Variants in ZNF335 observed in about 807,000 individuals in gnomAD.
ZNF335 encodes zinc finger protein 335.
ZNF335 carries 84 observed loss-of-function variants against 145.6 expected under a neutral mutation model. The observed-to-expected ratio is 0.58, with a 90% CI of 0.48 to 0.69. ZNF335 has a LOEUF of 0.69. Among genes scored for constraint, ZNF335 ranks in the 30% least tolerant of loss-of-function variants. ZNF335 has a pLI of 0.00. For synonymous variants in ZNF335, 761 were observed against 717.0 expected (o/e 1.06, Z -0.98); for missense variants, 1,865 against 1,809.7 (o/e 1.03, Z -0.55).
chr20:45,957,988 G>C, intron 15 of ZNF335, 60 bp from the exon 16 acceptor site: 1 of 1,353,984 alleles, frequency 7.4e-7, no homozygotes. Flanking sequence ...AGTGCCATTT[G>C]CCAAGCACCT....
intron 10 of ZNF335, 118 bp downstream of exon 10, chr20:45,961,952 C>CA: frequency 1.2e-6 from 1 of 815,138 alleles, no homozygotes; most frequent in Non-Finnish European, 2.0e-6. Context: ...TAGTGTGCAG[C>CA]AAATGGGGCT....
intron 16 of ZNF335, 56 bp from the exon 17 acceptor site, chr20:45,957,736 C>T (rs1415871879): frequency 5.6e-6 from 9 of 1,605,978 alleles, no homozygotes; most frequent in Non-Finnish European, 7.7e-6. Context: ...CACCCAATAC[C>T]ACCCCCTCCC....
chr20:45,963,676 G>A (rs1600540921), intron 8 of ZNF335, 26 bp from the exon 9 acceptor site: 1 of 1,613,942 alleles, frequency 6.2e-7, no homozygotes, highest in Middle Eastern at 1.7e-4. Context: ...GTGGCGGAAA[G>A]GTCTGGTGGG....
At position 45,963,741 on chromosome 20, in the gene ZNF335, C is replaced by A; in HGVS notation, c.1352G>T (p.Arg451Leu). 2.5e-6 allele frequency: 4 copies of A among 1,614,082 alleles called. No homozygotes were observed. The highest frequency in any genetic ancestry group is 2.5e-6 in the Non-Finnish European group (3 of 1,179,980). ...PSRRFLGKKY[R>L]KYYYKSPKPL... ...CCCTCACCTCTGCTCCACATACTTG[C>A]GGTATTTCTTGCCTAGGAAGCGCCT... is the stretch of plus-strand genomic sequence containing the variant. Residue 451 changes from arginine to leucine, a missense_variant, in exon 8 of 28, where the codon CGC becomes CTC. Physicochemically the swap from Arg to Leu is moderately radical, Grantham distance 102 (BLOSUM62 -2). Transcript: ENST00000322927.
intron 2 of ZNF335, 106 bp downstream of exon 2, chr20:45,971,104 A>G (rs986935676): frequency 2.1e-6 from 3 of 1,427,510 alleles, no homozygotes; most frequent in Non-Finnish European, 2.7e-6. Flanking sequence ...ACAGTAAACC[A>G]GAAACACCAA....
rs772904245 is a variant in ZNF335, at chr20:45,957,859, C to T, written c.2323G>A (p.Gly775Ser). 20 of 1,613,824 alleles carry T rather than the reference C, an allele frequency of 1.2e-5. No individual in the cohort carries two copies. Among genetic ancestry groups the T allele is most frequent in the South Asian group, 5.5e-5 (5 of 91,080 alleles). Residue 775 changes from glycine (G) to serine (S), a missense_variant, in exon 16 of 28, where the codon GGC (glycine) becomes AGC (serine). Gly to Ser is a moderately conservative substitution (Grantham distance 56). Coordinates refer to ENST00000322927, the MANE Select transcript of ZNF335 (RefSeq NM_022095.4). ...PSLLCSDTLGGATIIYQQGAE... is the reference protein window; with the variant it reads ...PSLLCSDTLGSATIIYQQGAE... ...CCTTGCTGGTAGATGATGGTGGCGC[C>T]GCCCAGGGTGTCAGAACAGAGCAAT...
chr20:45,967,143 T>A (rs1382124549), intron 6 of ZNF335: 1 of 248,838 alleles, frequency 4.0e-6, no homozygotes, highest in East Asian at 8.5e-5. Flanking sequence ...CTCGGGAGGC[T>A]GAGATGGGAA....
rs2083759405 is a variant in ZNF335, at chr20:45,957,933, G to T, written c.2254-5C>A. 1 of 1,613,878 alleles carries T rather than the reference G, an allele frequency of 6.2e-7. No individual in the cohort carries two copies. Among genetic ancestry groups the T allele is most frequent in the Non-Finnish European group, 8.5e-7 (1 of 1,179,874 alleles). ...AGTTGTCGCCTCTGGGGGTATCTAT[G>T]GGGTGGAGATATGGCCACGCCTGAG... On this transcript the variant is annotated splice_region_variant and splice_polypyrimidine_tract_variant and intron_variant, in intron 15 of 27. Coordinates refer to ENST00000322927, the MANE Select transcript of ZNF335 (RefSeq NM_022095.4).
chr20:45,952,624 C>T lies in ZNF335; in HGVS notation c.2788G>A (p.Asp930Asn). ...TCAATGTGGTGCAACTGGGTACCAT[C>T]AGTAGCCATGATGTAGTGGGTGCCA... Reference protein sequence around the residue: ...EAGTHYIMATDGTQLHHIELT... With the variant: ...EAGTHYIMATNGTQLHHIELT... The change falls in exon 19 of 28, where the codon GAT (aspartate) becomes AAT (asparagine). Residue 930 changes from aspartate (D) to asparagine (N), a missense_variant. Physicochemically the swap from Asp to Asn is conservative, Grantham distance 23. Coordinates refer to ENST00000322927, the MANE Select transcript of ZNF335 (RefSeq NM_022095.4). 2 of 1,613,978 alleles carry T rather than the reference C, an allele frequency of 1.2e-6. No homozygotes were observed. The highest frequency in any genetic ancestry group is 8.5e-7 in the Non-Finnish European group (1 of 1,180,018).
At position 45,971,827 on chromosome 20, in the gene ZNF335, G is replaced by A. The variant is rs899546330; in HGVS notation, c.-51+295C>T. ...GGTGGTACAGCCCGCTGGCCCCCTGGGTCAGTGGTTCGCTCCCCCCCGGTT... is the reference window on the plus strand; with the variant it reads ...GGTGGTACAGCCCGCTGGCCCCCTGAGTCAGTGGTTCGCTCCCCCCCGGTT... On this transcript the variant is annotated intron_variant, in intron 1 of 27. Coordinates refer to ENST00000322927, the MANE Select transcript of ZNF335 (RefSeq NM_022095.4). The A allele has an allele frequency of 7.4e-5, 73 of 984,950 alleles. No homozygotes were observed. The African/African-American group carries it at 1.2e-3, about 17-fold the overall frequency. 61.0% of individuals were successfully genotyped at this position (984,950 alleles called of 1,614,324 possible). A position where few individuals can be genotyped will look rare whatever the true frequency, so the allele number is the denominator to read the frequency against.
rs1255989012 is a variant in ZNF335 at position 45,948,776 on chromosome 20, G to C, written c.*177C>G. 2 of 980,394 alleles carry C rather than the reference G, an allele frequency of 2.0e-6. No homozygotes were observed. Among genetic ancestry groups the C allele is most frequent in the Admixed American group, 2.4e-5 (1 of 41,386 alleles). 60.7% of individuals were successfully genotyped at this position (980,394 alleles called of 1,614,324 possible). On this transcript the variant is annotated 3_prime_UTR_variant, in exon 28 of 28. Coordinates refer to ENST00000322927, the MANE Select transcript of ZNF335 (RefSeq NM_022095.4). ...AGGCTGGGGCACCCAGCATGTCCTGGCTGGGGCCCATGGCTGCCCCTAACC... is the reference window on the plus strand; with the variant it reads ...AGGCTGGGGCACCCAGCATGTCCTGCCTGGGGCCCATGGCTGCCCCTAACC...
At position 45,957,830 on chromosome 20, in the gene ZNF335, C is replaced by A. The variant is rs1163309024; in HGVS notation, c.2347+5G>T. ...CATGAGCTCCTATCCTCCTACAGAGCTCACCTTGCTGGTAGATGATGGTGG... is the reference window on the plus strand; with the variant it reads ...CATGAGCTCCTATCCTCCTACAGAGATCACCTTGCTGGTAGATGATGGTGG... On this transcript the variant is annotated splice_donor_5th_base_variant and intron_variant, in intron 16 of 27. Coordinates refer to ENST00000322927, the MANE Select transcript of ZNF335 (RefSeq NM_022095.4). 1 of 1,613,916 alleles carries A rather than the reference C, an allele frequency of 6.2e-7. No homozygotes were observed. Among genetic ancestry groups the A allele is most frequent in the African/African-American group, 1.3e-5 (1 of 75,016 alleles).
Position 45,971,304 on chromosome 20 carries a change from G to T in ZNF335, c.107C>A (p.Ser36Tyr). Residue 36 changes from serine to tyrosine, a missense_variant, in exon 2 of 28, where the codon TCC becomes TAC. Ser to Tyr is a moderately radical substitution (Grantham distance 144). Transcript: ENST00000322927. ...GGCCGCGGCGTCGCTGCTGTCGGCG[G>T]ACACGGCTTCTGAGGTGCCCACACC... ...GLGVGTSEAVSADSSDAAAAP... is the reference protein window; with the variant it reads ...GLGVGTSEAVYADSSDAAAAP... The T allele has an allele frequency of 6.3e-7, 1 of 1,592,716 alleles. No homozygotes were observed.
At chr20:45,969,885 G>T in intron 2 of ZNF335, 194 bp from the exon 3 acceptor site, 1 of 640,694 alleles carries the variant, frequency 1.6e-6, no homozygotes, top group Non-Finnish European at 2.5e-6. Context: ...AAAAGTCACA[G>T]GGTCCCTGGA....
At position 45,950,248 on chromosome 20, in the gene ZNF335, CTGTTCAGGATGATGGT is replaced by C; in HGVS notation, c.3442_3457del (p.Thr1148ValfsTer29). 2 of 1,548,164 alleles carry C rather than the reference CTGTTCAGGATGATGGT, an allele frequency of 1.3e-6. No individual in the cohort carries two copies. The highest frequency in any genetic ancestry group is 1.7e-6 in the Non-Finnish European group (2 of 1,147,266). On this transcript the variant is annotated frameshift_variant, in exon 22 of 28. Coordinates refer to ENST00000322927, the MANE Select transcript of ZNF335 (RefSeq NM_022095.4). LOFTEE classifies it high-confidence loss of function. ...CAGGGTGGCCAGTGTTTCGTCATCA[CTGTTCAGGATGATGGT>C]CTGGGTTGGGGTCTGGGTAGGGGCC...
intron 2 of ZNF335, among the ~76,000 whole-genome samples, 178 bp downstream of exon 2, chr20:45,971,032 T>G (rs1340809182): frequency 1.3e-5 from 2 of 152,240 alleles, no homozygotes; most frequent in East Asian, 1.9e-4. Flanking sequence ...GGTATGTGTC[T>G]TAGAAGGTAT....
In ZNF335 at chr20:45,965,786, A is replaced by C. The variant is rs746822017; in HGVS notation, c.956-12T>G. The C allele has an allele frequency of 6.3e-7, 1 of 1,595,842 alleles. No homozygotes were observed. The highest frequency in any genetic ancestry group is 2.4e-5 in the East Asian group (1 of 42,340). On this transcript the variant is annotated splice_polypyrimidine_tract_variant and intron_variant, in intron 6 of 27. Transcript: ENST00000322927. ...ATAGTCGCTATCCTCTGTGGGGGACAGTAAAGTTGGTGAACAGTGAGTGGC... is the reference window on the plus strand; with the variant it reads ...ATAGTCGCTATCCTCTGTGGGGGACCGTAAAGTTGGTGAACAGTGAGTGGC...
At position 45,952,220 on chromosome 20, in the gene ZNF335, C is replaced by G. The variant is rs777534945; in HGVS notation, c.3116G>C (p.Arg1039Pro). Residue 1039 changes from arginine (R) to proline (P), a missense_variant, in exon 20 of 28, where the codon CGG (arginine) becomes CCG (proline). Arg to Pro is a moderately radical substitution (Grantham distance 103). Transcript: ENST00000322927. ...PGRAEMESHK[R>P]AHAGPGAFKC... ...GAAGGCACCAGGCCCAGCGTGGGCC[C>G]GCTTGTGACTCTCCATCTCAGCTCG... is the stretch of plus-strand genomic sequence containing the variant. 5 of 1,613,116 alleles carry G rather than the reference C, an allele frequency of 3.1e-6. No individual in the cohort carries two copies. The highest frequency in any genetic ancestry group is 4.2e-6 in the Non-Finnish European group (5 of 1,179,992).
In ZNF335 at chr20:45,953,872, G is replaced by A. The variant is rs1568809647; in HGVS notation, c.2519C>T (p.Thr840Ile). ...CACGTGGAGGGTGACCACCTGTGGA[G>A]TGGCACCTTCAGGGGAGGGCTGCCC... The part of the protein sequence containing the change: ...PGGQPSPEGA[T>I]PQVVTLHVAE... Residue 840 changes from threonine (T) to isoleucine (I), a missense_variant, in exon 18 of 28, where the codon ACT becomes ATT. Thr to Ile is a moderately conservative substitution (Grantham distance 89, BLOSUM62 -1). Transcript: ENST00000322927. 2 of 1,613,908 alleles carry A rather than the reference G, an allele frequency of 1.2e-6. No homozygotes were observed. The highest frequency in any genetic ancestry group is 1.1e-5 in the South Asian group (1 of 91,070).
Sources: allele counts gnomAD v4.1 joint callset (sites outside exome capture counted in the v4.1 genomes callset), GRCh38; gene constraint gnomAD v4.1.1; transcripts MANE v1.5; gene names NCBI Gene and HGNC (gene_info 2026-07-23, HGNC 2026-07-21).